TEPSIN: variants seen among roughly 807,000 people sequenced by gnomAD.
The protein encoded by TEPSIN is AP-4 complex accessory subunit tepsin.
In TEPSIN, 50 loss-of-function variants were observed where a neutral mutation model predicts 48.5. That is an observed-to-expected ratio of 1.03 (90% CI 0.82 to 1.31). The LOEUF is 1.31. Ranked by LOEUF, TEPSIN falls within the 50% of genes most tolerant of loss-of-function variation. The pLI is 0.00. For synonymous variants in TEPSIN, 392 were observed against 358.8 expected, an observed-to-expected ratio of 1.09 and a Z score of -1.05; for missense variants, 838 against 815.9, an observed-to-expected ratio of 1.03 and a Z score of -0.33.
Position 81,231,710 on chromosome 17 carries a change from G to C in TEPSIN, c.906-19C>G, listed in dbSNP as rs373952381. ...CTCGACCCTGCCAGGGGGAATGGCC[G>C]GGTCAAGGGTGAGTGGAGGCCATGC... On this transcript the variant is annotated intron_variant, in intron 9 of 12. Transcript: ENST00000637944. The C allele has an allele frequency of 3.1e-6, 5 of 1,609,928 alleles. No homozygotes were observed. Among genetic ancestry groups the C allele is most frequent in the African/African-American group, 1.3e-5 (1 of 74,814 alleles).
Position 81,229,420 on chromosome 17 carries a change from T to C in TEPSIN, c.1290A>G (p.Ser430=). The change falls in exon 13 of 13, where the codon TCA becomes TCG. Residue 430 remains serine, a synonymous_variant. Coordinates refer to ENST00000637944, the MANE Select transcript of TEPSIN (RefSeq NM_001363764.2). The stretch of plus-strand genomic sequence containing the variant: ...GGGCGGCTGTGGGGCCAGGCTCAGC[T>C]GAGGTGCCCCGGGCAGGGGACAGCT... ...CGQLSPARGT[S]AEPGPTAALP... The C allele has an allele frequency of 6.5e-7, 1 of 1,550,290 alleles. No homozygotes were observed. Among genetic ancestry groups the C allele is most frequent in the East Asian group, 2.4e-5 (1 of 41,000 alleles).
At chr17:81,236,837 C>G (rs113031756) in intron 3 of TEPSIN, 36 bp from the exon 4 acceptor site, 1 of 1,550,136 alleles carries the variant, frequency 6.5e-7, no homozygotes, top group South Asian at 1.2e-5. Context: ...CTGGGCAGGC[C>G]GGACACGGGA....
Position 81,237,128 on chromosome 17 carries a change from G to A in TEPSIN, c.122-57C>T, listed in dbSNP as rs939553917. 42 of 1,508,008 alleles carry A rather than the reference G, an allele frequency of 2.8e-5. No homozygotes were observed. In the African/African-American group the frequency reaches 4.8e-4, roughly 17 times the overall value. 93.4% of individuals were successfully genotyped at this position (1,508,008 alleles called of 1,614,324 possible). ...ATGATGAGGGCTGCGCCAGGCCGCA[G>A]GGAGACCAGGCCATGGGGCCTCTCA... On this transcript the variant is annotated intron_variant, in intron 2 of 12. Coordinates refer to ENST00000637944, the MANE Select transcript of TEPSIN (RefSeq NM_001363764.2).
At position 81,232,413 on chromosome 17, in the gene TEPSIN, G is replaced by A. The variant is rs879790328; in HGVS notation, c.632C>T (p.Pro211Leu). ...PESPSTRRLL[P>L]RGDTYQPAMM... The stretch of plus-strand genomic sequence containing the variant: ...GGCAGGCTGGTAGGTGTCACCCCGC[G>A]GCAGGAGCCTCCGGGTACTGGGACT... Residue 211 changes from proline to leucine, a missense_variant, in exon 8 of 13, where the codon CCG becomes CTG. Physicochemically the swap from Pro to Leu is moderately conservative, Grantham distance 98. Transcript: ENST00000637944. 1.5e-5 allele frequency: 23 copies of A among 1,535,674 alleles called. No homozygotes were observed. The highest frequency in any genetic ancestry group is 2.7e-5 in the African/African-American group (2 of 73,036).
rs1198310130 is a variant in TEPSIN at position 81,232,524 on chromosome 17, C to T, written c.527-6G>A. On this transcript the variant is annotated splice_region_variant and splice_polypyrimidine_tract_variant and intron_variant, in intron 7 of 12. Transcript: ENST00000637944. Reference sequence around the variant, plus strand: ...GAAGGCTTCGCCTGCCGAGCCTGTACCCGAGGAGAGGGAGATGGGACGGCC... The same window carrying T: ...GAAGGCTTCGCCTGCCGAGCCTGTATCCGAGGAGAGGGAGATGGGACGGCC... The T allele has an allele frequency of 1.3e-6, 2 of 1,528,224 alleles. No homozygotes were observed. Among genetic ancestry groups the T allele is most frequent in the African/African-American group, 1.4e-5 (1 of 72,976 alleles). 94.7% of individuals were successfully genotyped at this position (1,528,224 alleles called of 1,614,324 possible).
Position 81,232,310 on chromosome 17 carries a change from G to A in TEPSIN, c.730+5C>T, listed in dbSNP as rs1284063813. 9 of 1,520,716 alleles carry A rather than the reference G, an allele frequency of 5.9e-6. No homozygotes were observed. The highest frequency in any genetic ancestry group is 3.6e-5 in the South Asian group (3 of 83,154). The allele number at this position is 1,520,716 out of a possible 1,614,324, so 94.2% of individuals were successfully genotyped here. On this transcript the variant is annotated splice_donor_5th_base_variant and intron_variant, in intron 8 of 12. Transcript: ENST00000637944. ...CCCCAAGGGGAGGAGCCCTCGCCTC[G>A]ATACCTCGGGGACCTGGAATGGCCC...
At position 81,231,577 on chromosome 17, in the gene TEPSIN, CGCTTT is replaced by C; in HGVS notation, c.1015_1019del (p.Lys339ValfsTer7). ...AGCAGGGCGGGTCCGGGCGCACTCA[CGCTTT>C]GATGAAGTGCTGTGCCTCCTCGCGG... On this transcript the variant is annotated frameshift_variant and splice_region_variant, in exon 10 of 13. Coordinates refer to ENST00000637944, the MANE Select transcript of TEPSIN (RefSeq NM_001363764.2). LOFTEE classifies it high-confidence loss of function. The C allele has an allele frequency of 6.2e-7, 1 of 1,611,350 alleles. No individual in the cohort carries two copies. The highest frequency in any genetic ancestry group is 8.5e-7 in the Non-Finnish European group (1 of 1,178,978).
intron 1 of TEPSIN, chr17:81,237,883 A>G: frequency 1.3e-6 from 1 of 779,342 alleles, no homozygotes; most frequent in Non-Finnish European, 1.6e-6. Context: ...CAGAGGCCGG[A>G]ATGGCAGAGT....
Position 81,237,386 on chromosome 17 carries a change from C to T in TEPSIN, c.121+1G>A. 6.2e-7 allele frequency: 1 copy of T among 1,611,208 alleles called. No individual in the cohort carries two copies. Among genetic ancestry groups the T allele is most frequent in the East Asian group, 2.2e-5 (1 of 44,840 alleles). On this transcript the variant is annotated splice_donor_variant, in intron 2 of 12. Coordinates refer to ENST00000637944, the MANE Select transcript of TEPSIN (RefSeq NM_001363764.2). LOFTEE classifies it high-confidence loss of function. ...TACACGGGGACATCAAGGAAGGATA[C>T]TAGCAATCTCTTCAAACAGGTAGCC...
Position 81,233,297 on chromosome 17 carries a change from A to T in TEPSIN, c.526+135T>A. 9.5e-7 allele frequency: 1 copy of T among 1,049,100 alleles called. No individual in the cohort carries two copies. Among genetic ancestry groups the T allele is most frequent in the Non-Finnish European group, 1.4e-6 (1 of 735,490 alleles). The allele number at this position is 1,049,100 out of a possible 1,614,324, so 65.0% of individuals were successfully genotyped here. On this transcript the variant is annotated intron_variant, in intron 7 of 12. Coordinates refer to ENST00000637944, the MANE Select transcript of TEPSIN (RefSeq NM_001363764.2). The surrounding 1 kb of genome is among the most constrained non-coding windows in gnomAD (Gnocchi z 5.8). ...AGAGAGAGACAGTGGGGACAGCCCC[A>T]GGAAGGGTTGAGGCCATGTAGGGGA...
At position 81,230,585 on chromosome 17, in the gene TEPSIN, T is replaced by C. The variant is rs773988486; in HGVS notation, c.1192A>G (p.Ser398Gly). Residue 398 changes from serine (S) to glycine (G), a missense_variant, in exon 12 of 13, where the codon AGC becomes GGC. Transcript: ENST00000637944. This position sits in a 1 kb window ranked among gnomAD's most constrained non-coding sequence, Gnocchi z 4.2. ...LRTRPWLQEL[S>G]MGSPGPVTNK... Reference sequence around the variant, plus strand: ...GTCACAGGTCCCGGGCTGCCCATGCTGAGCTCCTGCAGCCACGGCCGGGTG... The same window carrying C: ...GTCACAGGTCCCGGGCTGCCCATGCCGAGCTCCTGCAGCCACGGCCGGGTG... 27 of 1,611,442 alleles carry C rather than the reference T, an allele frequency of 1.7e-5. No individual in the cohort carries two copies. Among genetic ancestry groups the C allele is most frequent in the Non-Finnish European group, 1.4e-5 (16 of 1,179,050 alleles).
At position 81,231,866 on chromosome 17, in the gene TEPSIN, G is replaced by A. The variant is rs775282768; in HGVS notation, c.886C>T (p.Pro296Ser). 5.0e-6 allele frequency: 8 copies of A among 1,613,464 alleles called. No homozygotes were observed. Among genetic ancestry groups the A allele is most frequent in the East Asian group, 4.5e-5 (2 of 44,876 alleles). The change falls in exon 9 of 13, where the codon CCG (proline) becomes TCG (serine). Residue 296 changes from proline (P) to serine (S), a missense_variant. Physicochemically the swap from Pro to Ser is moderately conservative, Grantham distance 74 (BLOSUM62 -1). Coordinates refer to ENST00000637944, the MANE Select transcript of TEPSIN (RefSeq NM_001363764.2). Reference sequence around the variant, plus strand: ...GCTCACCTTTCTGCCAGGTCACCCGGCTCCCGGCTGGCCCCTGAATGGCTG... The same window carrying A: ...GCTCACCTTTCTGCCAGGTCACCCGACTCCCGGCTGGCCCCTGAATGGCTG... ...SDSHSGASRE[P>S]GDLAERVEVV...
rs1263723479 is a variant in TEPSIN, at chr17:81,231,828, T to C, written c.905+19A>G. On this transcript the variant is annotated intron_variant, in intron 9 of 12. Transcript: ENST00000637944. The stretch of plus-strand genomic sequence containing the variant: ...GTGCCTCCGAGACCTCTCCCACATA[T>C]CTGGCAGCTCCCGCTCACCTTTCTG... 5 of 1,611,484 alleles carry C rather than the reference T, an allele frequency of 3.1e-6. No homozygotes were observed. Among genetic ancestry groups the C allele is most frequent in the Admixed American group, 3.3e-5 (2 of 59,964 alleles).
Position 81,233,686 on chromosome 17 carries a change from C to T in TEPSIN, c.406G>A (p.Val136Met), listed in dbSNP as rs995516280. 10 of 1,600,332 alleles carry T rather than the reference C, an allele frequency of 6.2e-6. No individual in the cohort carries two copies. Among genetic ancestry groups the T allele is most frequent in the Admixed American group, 3.5e-5 (2 of 56,850 alleles). The change falls in exon 6 of 13, where the codon GTG (valine) becomes ATG (methionine). Residue 136 changes from valine (V) to methionine (M), a missense_variant. Coordinates refer to ENST00000637944, the MANE Select transcript of TEPSIN (RefSeq NM_001363764.2). This position sits in a 1 kb window ranked among gnomAD's most constrained non-coding sequence, Gnocchi z 5.8. Reference sequence around the variant, plus strand: ...GGCTGGGAGGGAGCCAGCGGCAACACGGTGTCCGAGAACAGGGTGCTCCCC... The same window carrying T: ...GGCTGGGAGGGAGCCAGCGGCAACATGGTGTCCGAGAACAGGGTGCTCCCC... The part of the protein sequence containing the change: ...DLGSTLFSDT[V>M]LPLAPSQPLG...
chr17:81,236,211 C>T (rs976268154), intron 4 of TEPSIN, among the ~76,000 whole-genome samples: 8 of 152,190 alleles, frequency 5.3e-5, no homozygotes, highest in Non-Finnish European at 1.2e-4. Context: ...ACCGACTGGC[C>T]GGGGCCCCGC....
chr17:81,232,004 C>T lies in TEPSIN; in HGVS notation c.748G>A (p.Gly250Arg), dbSNP rs1208300364. Reference sequence around the variant, plus strand: ...TCATCCCAGCCCCCTCCGGCCTGCCCAGGCTGATGCCTCACAGCTGGAGGA... The same window carrying T: ...TCATCCCAGCCCCCTCCGGCCTGCCTAGGCTGATGCCTCACAGCTGGAGGA... ...PGPRAVRHQP[G>R]QAGGGWDELD... is the part of the protein sequence containing the mutation. Residue 250 changes from glycine to arginine, a missense_variant, in exon 9 of 13, where the codon GGG (glycine) becomes AGG (arginine). By Grantham distance (125) the Gly-to-Arg change is moderately radical. Transcript: ENST00000637944. The T allele has an allele frequency of 1.2e-6, 2 of 1,610,080 alleles. No homozygotes were observed. Among genetic ancestry groups the T allele is most frequent in the Non-Finnish European group, 1.7e-6 (2 of 1,179,822 alleles).
Position 81,230,679 on chromosome 17 carries a change from C to G in TEPSIN, c.1099-1G>C. The G allele has an allele frequency of 6.5e-7, 1 of 1,540,612 alleles. No individual in the cohort carries two copies. Among genetic ancestry groups the G allele is most frequent in the Non-Finnish European group, 8.8e-7 (1 of 1,141,150 alleles). ...GGGAGGCGATGGCACACAGCGCCCT[C>G]TGCGGGTGAAGGGAGGGGACATCAG... On this transcript the variant is annotated splice_acceptor_variant, in intron 11 of 12. Coordinates refer to ENST00000637944, the MANE Select transcript of TEPSIN (RefSeq NM_001363764.2). LOFTEE classifies it high-confidence loss of function. This position sits in a 1 kb window ranked among gnomAD's most constrained non-coding sequence, Gnocchi z 4.2.
rs1489702871 is a variant in TEPSIN, at chr17:81,233,571, C to T, written c.454+67G>A. 2 of 1,566,858 alleles carry T rather than the reference C, an allele frequency of 1.3e-6. No homozygotes were observed. Among genetic ancestry groups the T allele is most frequent in the Non-Finnish European group, 1.7e-6 (2 of 1,154,342 alleles). ...CGGCCCTGCCCACGGATGGCACAGA[C>T]ACCCAGGACACTCAAGGAGGCAGAA... is the stretch of plus-strand genomic sequence containing the variant. On this transcript the variant is annotated intron_variant, in intron 6 of 12. Transcript: ENST00000637944. This position sits in a 1 kb window ranked among gnomAD's most constrained non-coding sequence, Gnocchi z 5.8.
rs949631020 is a variant in TEPSIN at position 81,234,537 on chromosome 17, C to T, written c.308-489G>A. 4.0e-5 allele frequency among the ~76,000 whole-genome samples: 6 copies of T among 151,688 alleles called. No individual in the cohort carries two copies. The highest frequency in any genetic ancestry group is 1.2e-4 in the African/African-American group (5 of 41,248). On this transcript the variant is annotated intron_variant, in intron 4 of 12. Transcript: ENST00000637944. This position sits in a 1 kb window ranked among gnomAD's most constrained non-coding sequence, Gnocchi z 5.4. Reference sequence around the variant, plus strand: ...CTTCTTTCCTTAAATCTTCCGGCCCCAGGGCCCCCCAAGCCTACACCTGGG... The same window carrying T: ...CTTCTTTCCTTAAATCTTCCGGCCCTAGGGCCCCCCAAGCCTACACCTGGG...
Sources: gnomAD v4.1 joint callset for allele counts (sites outside exome capture counted in the v4.1 genomes callset) on GRCh38, gnomAD v4.1.1 for gene constraint, Gnocchi (gnomAD v3.1) non-coding constraint, MANE v1.5 for transcripts, NCBI Gene and HGNC (gene_info 2026-07-23, HGNC 2026-07-21) for gene names.